The following SPECC1 variants were observed in gnomAD, a reference collection of about 807,000 sequenced individuals.
SPECC1 encodes the protein cytospin-B.
SPECC1 carries 62 observed loss-of-function variants against 104.1 expected under a neutral mutation model. The ratio of observed to expected loss-of-function variants is 0.60; its 90% CI spans 0.49 to 0.74. The LOEUF is 0.74. SPECC1 is among the 30% of genes least tolerant of loss of function. The probability of loss-of-function intolerance (pLI) is 0.00; values close to 1 mark genes in which losing one functional copy is unlikely to be tolerated. For synonymous variants in SPECC1, 513 were observed against 501.6 expected (o/e 1.02, Z -0.30); for missense variants, 1,306 against 1,310.5 (o/e 1.00, Z 0.05).
At chr17:20,307,243 T>G (rs1469600969) in intron 14 of SPECC1, among the ~76,000 whole-genome samples, 1 of 152,246 alleles carries the variant, frequency 6.6e-6, no homozygotes, top group Non-Finnish European at 1.5e-5. Context: ...AGCAGTTGCT[T>G]AAACCATAAA....
At chr17:20,248,371 A>ATCCT (rs2039502560) in intron 9 of SPECC1, among the ~76,000 whole-genome samples, 1 of 152,150 alleles carries the variant, frequency 6.6e-6, no homozygotes. Flanking sequence ...CCCTACAAGG[A>ATCCT]GATGAGGATG....
At chr17:20,137,777 T>C (rs1191501820) in intron 3 of SPECC1, among the ~76,000 whole-genome samples, 1 of 150,338 alleles carries the variant, frequency 6.7e-6, no homozygotes, top group Non-Finnish European at 1.5e-5. Flanking sequence ...GTGATTCTCA[T>C]ACCTCAGCCT....
At chr17:20,156,032 G>C (rs1311696861) in intron 3 of SPECC1, 3 of 1,277,520 alleles carry the variant, frequency 2.3e-6, no homozygotes, top group Non-Finnish European at 3.0e-6. Context: ...GGAGAGCAGC[G>C]GCTCCGCCGG....
At chr17:20,269,622 C>T (rs2040332085) in intron 12 of SPECC1, among the ~76,000 whole-genome samples, 3 of 152,212 alleles carry the variant, frequency 2.0e-5, no homozygotes, top group Admixed American at 2.0e-4. Flanking sequence ...GATCTGCCTG[C>T]TTCGGCCTCC....
chr17:20,191,000 T>C (rs893486663), intron 3 of SPECC1, among the ~76,000 whole-genome samples: 6 of 152,192 alleles, frequency 3.9e-5, no homozygotes, highest in Admixed American at 1.3e-4. Flanking sequence ...GGAATCATAC[T>C]GTGTGTAGCT....
At chr17:20,026,515 T>G (rs1450767215) in intron 1 of SPECC1, among the ~76,000 whole-genome samples, 1 of 152,168 alleles carries the variant, frequency 6.6e-6, no homozygotes, top group Non-Finnish European at 1.5e-5. Context: ...AGCACCCATG[T>G]CTGAGTGAGA....
At chr17:20,032,562 G>A (rs2044860403) in intron 1 of SPECC1, among the ~76,000 whole-genome samples, 2 of 151,876 alleles carry the variant, frequency 1.3e-5, no homozygotes, top group African/African-American at 4.8e-5. Context: ...CTTCTCTAGT[G>A]AATTTTAAAT....
At position 20,316,721 on chromosome 17, in the gene SPECC1, G is replaced by T; in HGVS notation, c.*2656G>T. On this transcript the variant is annotated 3_prime_UTR_variant, in exon 15 of 15. Coordinates refer to ENST00000395527, the MANE Select transcript of SPECC1 (RefSeq NM_001243439.2). The stretch of plus-strand genomic sequence containing the variant: ...TTTGTTTGTTTTTTTTTTTGAGACA[G>T]AGTCTTGCTCTGTCGCCCAGGCTGG... 1 of 190,212 alleles carries T rather than the reference G, an allele frequency of 5.3e-6. No individual in the cohort carries two copies. The highest frequency in any genetic ancestry group is 1.1e-5 in the Non-Finnish European group (1 of 91,108). The allele number at this position is 190,212 out of a possible 1,614,324, so 11.8% of individuals were successfully genotyped here.
At position 20,318,637 on chromosome 17, in the gene SPECC1, C is replaced by A; in HGVS notation, c.*4572C>A. On this transcript the variant is annotated 3_prime_UTR_variant, in exon 15 of 15. Transcript: ENST00000395527. Reference sequence around the variant, plus strand: ...CCCCCTACCAAATCTAGCAATAGTTCTCACCCTTCCAAAGCTCGAGTGCCA... The same window carrying A: ...CCCCCTACCAAATCTAGCAATAGTTATCACCCTTCCAAAGCTCGAGTGCCA... The A allele has an allele frequency of 4.4e-6, 1 of 227,608 alleles. No individual in the cohort carries two copies. The highest frequency in any genetic ancestry group is 8.7e-6 in the Non-Finnish European group (1 of 114,540). The allele number at this position is 227,608 out of a possible 1,614,324, so 14.1% of individuals were successfully genotyped here. A position where few individuals can be genotyped will look rare whatever the true frequency, so the allele number is the denominator to read the frequency against.
At chr17:20,261,571 T>C (rs1379641147) in intron 12 of SPECC1, among the ~76,000 whole-genome samples, 2 of 151,062 alleles carry the variant, frequency 1.3e-5, no homozygotes, top group Non-Finnish European at 2.9e-5. Flanking sequence ...AGAAGACAGC[T>C]TTTGCTGAAT....
chr17:20,318,223 A>C lies in SPECC1; in HGVS notation c.*4158A>C. The C allele has an allele frequency of 4.3e-6, 1 of 232,092 alleles. No individual in the cohort carries two copies. The allele number at this position is 232,092 out of a possible 1,614,324, so 14.4% of individuals were successfully genotyped here. A position where few individuals can be genotyped will look rare whatever the true frequency, so the allele number is the denominator to read the frequency against. On this transcript the variant is annotated 3_prime_UTR_variant, in exon 15 of 15. Transcript: ENST00000395527. ...CCCAGTAGAGTTGGAGAGTTTTTCA[A>C]GGTGAGAAGTCGCTGTTCTCTGCAT...
chr17:20,096,932 C>CG, intron 2 of SPECC1, 134 bp downstream of exon 2: 1 of 1,144,090 alleles, frequency 8.7e-7, no homozygotes, highest in Non-Finnish European at 1.2e-6. Context: ...CGCAGGAGGA[C>CG]CAGCATGCCT....
At chr17:20,108,342 C>G (rs917922941) in intron 2 of SPECC1, among the ~76,000 whole-genome samples, 1 of 151,888 alleles carries the variant, frequency 6.6e-6, no homozygotes, top group African/African-American at 2.4e-5. Flanking sequence ...TAATGAAGCA[C>G]AGCATATTTA....
chr17:20,026,708 C>T (rs1204609002), intron 1 of SPECC1, among the ~76,000 whole-genome samples: 1 of 151,974 alleles, frequency 6.6e-6, no homozygotes, highest in Non-Finnish European at 1.5e-5. Flanking sequence ...AGATTTATTC[C>T]CTGTCTTGGC....
chr17:20,055,276 T>A (rs1159416024), intron 1 of SPECC1, among the ~76,000 whole-genome samples: 1 of 148,150 alleles, frequency 6.7e-6, no homozygotes, highest in African/African-American at 2.5e-5. Flanking sequence ...TTTTTTTTTT[T>A]AGAGGCTGAA....
At chr17:20,086,405 A>G (rs2047178465) in intron 1 of SPECC1, among the ~76,000 whole-genome samples, 1 of 152,144 alleles carries the variant, frequency 6.6e-6, no homozygotes, top group South Asian at 2.1e-4. Flanking sequence ...GCCTCTTCAC[A>G]TGCCGAGGCC....
chr17:20,248,352 A>C (rs907795287), intron 9 of SPECC1, among the ~76,000 whole-genome samples: 3 of 152,152 alleles, frequency 2.0e-5, no homozygotes, highest in Non-Finnish European at 2.9e-5. Context: ...CTTATAGTTC[A>C]ATAAGTCGCC....
intron 12 of SPECC1, among the ~76,000 whole-genome samples, chr17:20,262,321 A>G (rs917618596): frequency 2.0e-5 from 3 of 152,234 alleles, no homozygotes; most frequent in African/African-American, 7.2e-5. Flanking sequence ...ATACATGCTT[A>G]AGAATGGAAT....
At chr17:20,294,961 G>A (rs2041298259) in intron 12 of SPECC1, among the ~76,000 whole-genome samples, 1 of 151,962 alleles carries the variant, frequency 6.6e-6, no homozygotes, top group Non-Finnish European at 1.5e-5. Context: ...GAGCAAATTT[G>A]GGAAGTTTAT....
Sources: allele counts gnomAD v4.1 joint callset (sites outside exome capture counted in the v4.1 genomes callset), GRCh38; gene constraint gnomAD v4.1.1; transcripts MANE v1.5; gene names NCBI Gene and HGNC (gene_info 2026-07-23, HGNC 2026-07-21).